The following KCNK4 variants were observed in gnomAD, a reference collection of about 807,000 sequenced individuals.
KCNK4 encodes the protein potassium channel subfamily K member 4.
Under a neutral mutation model 28.8 loss-of-function variants are expected in KCNK4, and 22 were observed. The ratio of observed to expected loss-of-function variants is 0.76; its 90% confidence interval spans 0.55 to 1.09. KCNK4 has a LOEUF of 1.09. Among genes scored for constraint, KCNK4 ranks in the 50% least tolerant of loss-of-function variants. The pLI is 0.00. For missense variants in KCNK4, 483 were observed against 546.3 expected, an observed-to-expected ratio of 0.88 and a Z score of 1.15; for synonymous variants, 263 against 252.9, an observed-to-expected ratio of 1.04 and a Z score of -0.38.
Position 64,299,962 on chromosome 11 carries a change from C to A in KCNK4, c.*236C>A. The stretch of plus-strand genomic sequence containing the variant: ...CGGGTGTATCCCTCACAGCACCTCA[C>A]GACTGTGCCTCAAAGCCTGCATCAA... On this transcript the variant is annotated 3_prime_UTR_variant, in exon 7 of 7. Coordinates refer to ENST00000422670, the MANE Select transcript of KCNK4 (RefSeq NM_033310.3). The A allele has an allele frequency of 1.5e-6, 1 of 682,758 alleles. No homozygotes were observed. The highest frequency in any genetic ancestry group is 2.4e-6 in the Non-Finnish European group (1 of 409,502). 42.3% of individuals were successfully genotyped at this position (682,758 alleles called of 1,614,324 possible).
intron 5 of KCNK4, 132 bp downstream of exon 5, chr11:64,297,785 A>G: frequency 2.2e-6 from 2 of 894,954 alleles, no homozygotes; most frequent in South Asian, 3.5e-5. Flanking sequence ...ATGCACCATC[A>G]CAGCCTTGCA....
Position 64,292,180 on chromosome 11 carries a change from G to T in KCNK4, c.-78+614G>T. The T allele has an allele frequency of 3.6e-6, 3 of 838,128 alleles. No homozygotes were observed. In the South Asian group the frequency reaches 1.6e-4, roughly 46 times the overall value. 51.9% of individuals were successfully genotyped at this position (838,128 alleles called of 1,614,324 possible). On this transcript the variant is annotated intron_variant, in intron 1 of 6. Transcript: ENST00000422670. ...CTCGGGATGGAGCGTGGGCGCGCGG[G>T]TCTTTGTGCCCGCGCTTGGCGGCGC...
At position 64,293,085 on chromosome 11, in the gene KCNK4, G is replaced by T; in HGVS notation, c.67G>T (p.Val23Leu). 1 of 1,549,012 alleles carries T rather than the reference G, an allele frequency of 6.5e-7. No individual in the cohort carries two copies. Residue 23 changes from valine (V) to leucine (L), a missense_variant, in exon 2 of 7, where the codon GTG becomes TTG. Coordinates refer to ENST00000422670, the MANE Select transcript of KCNK4 (RefSeq NM_033310.3). ...VLLYLVSGALVFRALEQPHEQ... is the reference protein window; with the variant it reads ...VLLYLVSGALLFRALEQPHEQ... ...GCTTTACTTGGTGTCTGGTGCCCTGGTGTTCCGGGCCCTGGAGCAGCCCCA... is the reference window on the plus strand; with the variant it reads ...GCTTTACTTGGTGTCTGGTGCCCTGTTGTTCCGGGCCCTGGAGCAGCCCCA...
At chr11:64,297,734 A>G in intron 5 of KCNK4, 81 bp downstream of exon 5, 2 of 1,445,894 alleles carry the variant, frequency 1.4e-6, no homozygotes, top group East Asian at 2.3e-5. Context: ...CTTTCCCTCC[A>G]GATCCCATGT....
chr11:64,291,469 C>T lies in KCNK4; in HGVS notation c.-175C>T, dbSNP rs1257458909. ...GCCGCTGGCCACACTGGGCTCCGGT[C>T]CAAGGCTAGAAGGCTGGCCCCTGCT... On this transcript the variant is annotated 5_prime_UTR_variant, in exon 1 of 7. Coordinates refer to ENST00000422670, the MANE Select transcript of KCNK4 (RefSeq NM_033310.3). 4.6e-5 allele frequency: 7 copies of T among 152,420 alleles called. No individual in the cohort carries two copies. The highest frequency in any genetic ancestry group is 4.6e-4 in the Admixed American group (7 of 15,286). The allele number at this position is 152,420 out of a possible 1,614,324, so 9.4% of individuals were successfully genotyped here. A position where few individuals can be genotyped will look rare whatever the true frequency, so the allele number is the denominator to read the frequency against.
chr11:64,292,883 A>T (rs570118744), intron 1 of KCNK4, 59 bp from the exon 2 acceptor site: 646 of 1,421,904 alleles, frequency 4.5e-4, no homozygotes, highest in Non-Finnish European at 5.4e-4. Context: ...GGGATAGAGG[A>T]GGAGGGTGTG....
chr11:64,297,742 T>C (rs552583902), intron 5 of KCNK4, 89 bp downstream of exon 5: 1 of 1,399,924 alleles, frequency 7.1e-7, no homozygotes, highest in South Asian at 1.4e-5. Flanking sequence ...CCAGATCCCA[T>C]GTGGTTGCTC....
chr11:64,299,758 C>T lies in KCNK4; in HGVS notation c.*32C>T, dbSNP rs1365663440. 9 of 1,541,302 alleles carry T rather than the reference C, an allele frequency of 5.8e-6. No individual in the cohort carries two copies. In the Admixed American group the frequency reaches 1.6e-4, roughly 27 times the overall value. On this transcript the variant is annotated 3_prime_UTR_variant, in exon 7 of 7. Coordinates refer to ENST00000422670, the MANE Select transcript of KCNK4 (RefSeq NM_033310.3). ...GATCCCTGGCCGGGCCTCTCAAGGG[C>T]TTCGTTTCTGCTCTCCCCGGCATGC...
rs758007595 is a variant in KCNK4 at position 64,296,903 on chromosome 11, G to A, written c.215G>A (p.Gly72Asp). The change falls in exon 3 of 7, where the codon GGT (glycine) becomes GAT (aspartate). Residue 72 changes from glycine to aspartate, a missense_variant. Transcript: ENST00000422670. ...IKEVADALGGGADPETNSTSN... is the reference protein window; with the variant it reads ...IKEVADALGGDADPETNSTSN... ...GAGGTGGCTGATGCCCTGGGAGGGG[G>A]TGCGGACCCAGAAACCAACTCGACC... The A allele has an allele frequency of 6.6e-7, 1 of 1,511,848 alleles. No homozygotes were observed. The highest frequency in any genetic ancestry group is 1.8e-4 in the Middle Eastern group (1 of 5,570). The allele number at this position is 1,511,848 out of a possible 1,614,324, so 93.7% of individuals were successfully genotyped here.
At position 64,292,988 on chromosome 11, in the gene KCNK4, C is replaced by CAGTG; in HGVS notation, c.-30_-27dup. 1 of 1,520,598 alleles carries CAGTG rather than the reference C, an allele frequency of 6.6e-7. No homozygotes were observed. The highest frequency in any genetic ancestry group is 8.8e-7 in the Non-Finnish European group (1 of 1,135,834). 94.2% of individuals were successfully genotyped at this position (1,520,598 alleles called of 1,614,324 possible). A position where few individuals can be genotyped will look rare whatever the true frequency, so the allele number is the denominator to read the frequency against. On this transcript the variant is annotated 5_prime_UTR_variant, in exon 2 of 7. Transcript: ENST00000422670. ...CCCCCGCCCGGCCCCTCCAGGCGGG[C>CAGTG]AGTGGAGCTGGCCCGGCGCCTGGGC...
In KCNK4 at chr11:64,299,415, G is replaced by T; in HGVS notation, c.871G>T (p.Gly291Trp). 1 of 1,576,370 alleles carries T rather than the reference G, an allele frequency of 6.3e-7. No individual in the cohort carries two copies. The highest frequency in any genetic ancestry group is 1.1e-5 in the South Asian group (1 of 87,840). The change falls in exon 7 of 7, where the codon GGG (glycine) becomes TGG (tryptophan). Residue 291 changes from glycine (G) to tryptophan (W), a missense_variant. Transcript: ENST00000422670. ...TVTARVTQRA[G>W]PAAPPPEKEQ... Reference sequence around the variant, plus strand: ...GACAGCGCGCGTGACCCAGCGAGCCGGGCCCGCCGCCCCGCCGCCGGAGAA... The same window carrying T: ...GACAGCGCGCGTGACCCAGCGAGCCTGGCCCGCCGCCCCGCCGCCGGAGAA...
chr11:64,292,328 C>A (rs1443786929), intron 1 of KCNK4, among the ~76,000 whole-genome samples: 1 of 152,082 alleles, frequency 6.6e-6, no homozygotes, highest in Non-Finnish European at 1.5e-5. Flanking sequence ...GGGAACTGGG[C>A]GTCCCCAGCA....
intron 5 of KCNK4, 109 bp downstream of exon 5, chr11:64,297,762 C>T: frequency 8.7e-7 from 1 of 1,150,646 alleles, no homozygotes; most frequent in South Asian, 1.5e-5. Context: ...CTAACCCCTG[C>T]ATCCATCATG....
chr11:64,296,684 A>G (rs1329628110), intron 2 of KCNK4, among the ~76,000 whole-genome samples, 194 bp from the exon 3 acceptor site: 3 of 152,172 alleles, frequency 2.0e-5, no homozygotes, highest in Non-Finnish European at 4.4e-5. Context: ...TGTAGAAGTC[A>G]AACAAACTCA....
At chr11:64,294,693 C>G (rs1361210234) in intron 2 of KCNK4, among the ~76,000 whole-genome samples, 3 of 152,010 alleles carry the variant, frequency 2.0e-5, no homozygotes, top group Admixed American at 2.0e-4. Flanking sequence ...TGTTCCCTGC[C>G]TGTTCTTTGT....
chr11:64,293,107 C>G lies in KCNK4; in HGVS notation c.89C>G (p.Pro30Arg), dbSNP rs1159769529. Residue 30 changes from proline (P) to arginine (R), a missense_variant, in exon 2 of 7, where the codon CCC becomes CGC. Pro to Arg is a moderately radical substitution (Grantham distance 103, BLOSUM62 -2). Coordinates refer to ENST00000422670, the MANE Select transcript of KCNK4 (RefSeq NM_033310.3). ...GALVFRALEQ[P>R]HEQQAQRELG... ...CTGGTGTTCCGGGCCCTGGAGCAGC[C>G]CCACGAGCAGCAGGCCCAGAGGGAG... The G allele has an allele frequency of 1.3e-6, 2 of 1,547,844 alleles. No homozygotes were observed. The highest frequency in any genetic ancestry group is 1.7e-6 in the Non-Finnish European group (2 of 1,145,562).
intron 2 of KCNK4, among the ~76,000 whole-genome samples, chr11:64,294,906 G>A (rs555165433): frequency 6.7e-6 from 1 of 149,050 alleles, no homozygotes; most frequent in South Asian, 2.2e-4. Context: ...GAGAGGGAGG[G>A]AGGGAGGGAG....
Position 64,297,483 on chromosome 11 carries a change from C to G in KCNK4, c.491C>G (p.Pro164Arg), listed in dbSNP as rs775527607. 5 of 1,614,046 alleles carry G rather than the reference C, an allele frequency of 3.1e-6. No individual in the cohort carries two copies. The highest frequency in any genetic ancestry group is 3.3e-5 in the Admixed American group (2 of 60,016). The stretch of plus-strand genomic sequence containing the variant: ...ATCCCGCAGAAGTGGCACGTGCCAC[C>G]GGAGCTAGTAAGAGTGCTGTCGGCG... ...EAIFLKWHVP[P>R]ELVRVLSAML... Residue 164 changes from proline (P) to arginine (R), a missense_variant, in exon 5 of 7, where the codon CCG (proline) becomes CGG (arginine). Physicochemically the swap from Pro to Arg is moderately radical, Grantham distance 103. Coordinates refer to ENST00000422670, the MANE Select transcript of KCNK4 (RefSeq NM_033310.3).
chr11:64,297,871 C>T (rs1029257942), intron 5 of KCNK4, among the ~76,000 whole-genome samples: 3 of 152,218 alleles, frequency 2.0e-5, no homozygotes, highest in Admixed American at 6.5e-5. Context: ...ATATTAAATG[C>T]ACCCCTCGCA....
Sources: allele counts gnomAD v4.1 joint callset (sites outside exome capture counted in the v4.1 genomes callset), GRCh38; gene constraint gnomAD v4.1.1; transcripts MANE v1.5; gene names NCBI Gene and HGNC (gene_info 2026-07-23, HGNC 2026-07-21).